The following VMP1 variants were observed in gnomAD, a reference collection of about 807,000 sequenced individuals.
VMP1 encodes vacuole membrane protein 1.
Under a neutral mutation model 56.0 loss-of-function variants are expected in VMP1, and 11 were observed. The observed-to-expected ratio is 0.20, with a 90% confidence interval of 0.12 to 0.32. VMP1 has a LOEUF of 0.32. VMP1 is among the 10% of genes least tolerant of loss of function. The probability of loss-of-function intolerance (pLI) is 1.00; values close to 1 mark genes in which losing one functional copy is unlikely to be tolerated. For synonymous variants in VMP1, 149 were observed against 165.0 expected (o/e 0.90, Z 0.74); for missense variants, 296 against 490.3 (o/e 0.60, Z 3.74).
At chr17:59,780,762 A>G (rs1172267868) in intron 7 of VMP1, among the ~76,000 whole-genome samples, 2 of 151,370 alleles carry the variant, frequency 1.3e-5, no homozygotes, top group African/African-American at 2.4e-5. Flanking sequence ...AATTTTTTGT[A>G]TTTTCAGTAG....
At chr17:59,782,212 AT>A (rs966662387) in intron 7 of VMP1, among the ~76,000 whole-genome samples, 2 of 152,036 alleles carry the variant, frequency 1.3e-5, no homozygotes, top group Non-Finnish European at 2.9e-5. Flanking sequence ...CCTGGCCTGT[AT>A]TTTCTTTTAG....
chr17:59,749,776 C>T (rs551028636), intron 5 of VMP1, among the ~76,000 whole-genome samples: 12 of 152,216 alleles, frequency 7.9e-5, no homozygotes, highest in African/African-American at 2.9e-4. Context: ...TCCCAAAGTG[C>T]TGCGATTACA....
At chr17:59,831,801 GT>G (rs11424411) in intron 10 of VMP1, among the ~76,000 whole-genome samples, 4 of 149,126 alleles carry the variant, frequency 2.7e-5, no homozygotes, top group Admixed American at 6.7e-5. Context: ...GCATTCCTGA[GT>G]TTTTTTTTTA....
At chr17:59,838,532 G>T (rs2039058016) in intron 11 of VMP1, 135 bp downstream of exon 11, 1 of 804,106 alleles carries the variant, frequency 1.2e-6, no homozygotes, top group Non-Finnish European at 2.1e-6. Context: ...TTGAGCGTCT[G>T]TGTATGCTCT....
chr17:59,739,244 G>A (rs1263068233), intron 5 of VMP1, among the ~76,000 whole-genome samples: 1 of 152,150 alleles, frequency 6.6e-6, no homozygotes, highest in Admixed American at 6.5e-5. Flanking sequence ...TTAAGCAATT[G>A]TTATTTTAAT....
intron 5 of VMP1, 90 bp downstream of exon 5, chr17:59,739,037 G>C (rs1348770744): frequency 2.9e-6 from 3 of 1,018,586 alleles, no homozygotes; most frequent in Non-Finnish European, 4.2e-6. Flanking sequence ...TCTAAGATTT[G>C]TTTTAATTAC....
chr17:59,719,098 C>G (rs144734859), intron 1 of VMP1, among the ~76,000 whole-genome samples: 1 of 152,250 alleles, frequency 6.6e-6, no homozygotes, highest in African/African-American at 2.4e-5. Context: ...AGATATATTA[C>G]TCAGATTAGT....
chr17:59,831,441 A>C (rs1416508474), intron 10 of VMP1, among the ~76,000 whole-genome samples: 1 of 152,118 alleles, frequency 6.6e-6, no homozygotes, highest in Non-Finnish European at 1.5e-5. Context: ...AAGTGCTGGG[A>C]TTACAAGCAT....
At chr17:59,783,052 C>T (rs1327023419) in intron 7 of VMP1, among the ~76,000 whole-genome samples, 9 of 151,938 alleles carry the variant, frequency 5.9e-5, no homozygotes, top group South Asian at 2.1e-4. Context: ...AAAAGTTAGC[C>T]GGGCGTGGTG....
intron 1 of VMP1, among the ~76,000 whole-genome samples, chr17:59,713,702 T>G (rs74671379): frequency 3.2e-5 from 4 of 126,666 alleles, no homozygotes; most frequent in African/African-American, 9.8e-5. Context: ...TTTTTTTTTT[T>G]GTTAAAAAAA....
At chr17:59,756,088 A>G (rs2035831606) in intron 5 of VMP1, among the ~76,000 whole-genome samples, 1 of 152,154 alleles carries the variant, frequency 6.6e-6, no homozygotes, top group African/African-American at 2.4e-5. Context: ...TTCTTCACAA[A>G]AAGAATATAA....
intron 5 of VMP1, among the ~76,000 whole-genome samples, chr17:59,739,705 C>T (rs1419713304): frequency 9.8e-6 from 1 of 101,974 alleles, no homozygotes; most frequent in African/African-American, 4.0e-5. Context: ...GCCTGGGCGA[C>T]AGAGCAAGAC....
At chr17:59,761,553 A>G (rs1023468158) in intron 5 of VMP1, among the ~76,000 whole-genome samples, 1 of 152,066 alleles carries the variant, frequency 6.6e-6, no homozygotes, top group African/African-American at 2.4e-5. Flanking sequence ...AGTAGCTTTC[A>G]CCTTAGGACC....
intron 10 of VMP1, among the ~76,000 whole-genome samples, chr17:59,824,227 G>A (rs1274285870): frequency 6.7e-6 from 1 of 148,904 alleles, no homozygotes; most frequent in Non-Finnish European, 1.5e-5. Context: ...CTCCAGCCTG[G>A]GCGACACAGC....
At chr17:59,777,544 G>T (rs1286512681) in intron 7 of VMP1, among the ~76,000 whole-genome samples, 1 of 151,892 alleles carries the variant, frequency 6.6e-6, no homozygotes, top group Non-Finnish European at 1.5e-5. Flanking sequence ...TGGCACAGTG[G>T]CTCACGCCTG....
intron 7 of VMP1, among the ~76,000 whole-genome samples, chr17:59,797,747 C>T (rs1488201377): frequency 6.6e-6 from 1 of 152,162 alleles, no homozygotes; most frequent in African/African-American, 2.4e-5. Context: ...GGTGTGGTGG[C>T]ATGGGCCTGT....
chr17:59,736,835 G>A lies in VMP1; in HGVS notation c.213-618G>A, dbSNP rs562292467. The stretch of plus-strand genomic sequence containing the variant: ...AGGCAGGCAGATCACTAAGACAGGA[G>A]TTCAAGACCAGCCCGGCCAACATAG... On this transcript the variant is annotated intron_variant, in intron 3 of 11. Coordinates refer to ENST00000262291, the MANE Select transcript of VMP1 (RefSeq NM_030938.5). 3.5e-5 allele frequency among the ~76,000 whole-genome samples: 5 copies of A among 142,644 alleles called. No homozygotes were observed. The South Asian group carries it at 1.1e-3, about 32-fold the overall frequency. 93.6% of individuals were successfully genotyped at this position (142,644 alleles called of 152,430 possible).
intron 7 of VMP1, among the ~76,000 whole-genome samples, chr17:59,794,009 C>T (rs2037335946): frequency 6.6e-6 from 1 of 151,764 alleles, no homozygotes; most frequent in South Asian, 2.1e-4. Flanking sequence ...CAAGCTCCGC[C>T]TCCCAGGTTC....
intron 10 of VMP1, among the ~76,000 whole-genome samples, chr17:59,818,114 T>C (rs1208636270): frequency 2.0e-5 from 3 of 152,178 alleles, no homozygotes; most frequent in Non-Finnish European, 4.4e-5. Context: ...TTAATGGTGC[T>C]TTAGTACAAT....
Sources: gnomAD v4.1 joint callset for allele counts (sites outside exome capture counted in the v4.1 genomes callset) on GRCh38, gnomAD v4.1.1 for gene constraint, MANE v1.5 for transcripts, NCBI Gene and HGNC (gene_info 2026-07-23, HGNC 2026-07-21) for gene names.